GABRG3: variants seen among roughly 807,000 people sequenced by gnomAD.
GABRG3 encodes gamma-aminobutyric acid receptor subunit gamma-3.
In GABRG3, 25 loss-of-function variants were observed where a neutral mutation model predicts 48.8. The observed-to-expected ratio is 0.51, with a 90% CI of 0.37 to 0.72. The LOEUF is 0.72. Among genes scored for constraint, GABRG3 ranks in the 30% least tolerant of loss-of-function variants. GABRG3 has a pLI of 0.00. For missense variants in GABRG3, 394 were observed against 577.9 expected (o/e 0.68, Z 3.26); for synonymous variants, 227 against 217.6 (o/e 1.04, Z -0.38).
chr15:27,019,889 T>C (rs1374603288), intron 2 of GABRG3, among the ~76,000 whole-genome samples: 7 of 152,224 alleles, frequency 4.6e-5, no homozygotes, highest in Non-Finnish European at 1.0e-4. Flanking sequence ...TTTACTCTTT[T>C]CATGAAAACA....
Position 27,532,782 on chromosome 15 carries a change from CAT to C in GABRG3, c.1307_1308del (p.Ile436ArgfsTer21). 6.2e-7 allele frequency: 1 copy of C among 1,614,006 alleles called. No individual in the cohort carries two copies. Among genetic ancestry groups the C allele is most frequent in the Non-Finnish European group, 8.5e-7 (1 of 1,179,884 alleles). On this transcript the variant is annotated frameshift_variant, in exon 10 of 10. Coordinates refer to ENST00000615808, the MANE Select transcript of GABRG3 (RefSeq NM_033223.5). LOFTEE classifies it high-confidence loss of function. The stretch of plus-strand genomic sequence containing the variant: ...GATCCTGGAGGAAAGGGCGTATTCA[CAT>C]AGACATCTTGGAGCTGGACTCGTAC... ...SGSWRKGRIH[I>X]DILELDSYSR...
intron 5 of GABRG3, chr15:27,366,010 A>G (rs1346698946): frequency 6.6e-6 from 1 of 152,164 alleles, no homozygotes; most frequent in African/African-American, 2.4e-5. Context: ...CCTTTATGGG[A>G]GTTCGTTTTC....
intron 3 of GABRG3, among the ~76,000 whole-genome samples, chr15:27,204,660 C>T (rs2140430825): frequency 6.6e-6 from 1 of 152,210 alleles, no homozygotes; most frequent in Non-Finnish European, 1.5e-5. Flanking sequence ...ATTGATTCTT[C>T]CCATCCATGA....
chr15:27,039,642 TCTAA>T (rs1326757903), intron 3 of GABRG3, among the ~76,000 whole-genome samples: 1 of 152,196 alleles, frequency 6.6e-6, no homozygotes, highest in Non-Finnish European at 1.5e-5. Flanking sequence ...CCAACTCAAC[TCTAA>T]GTAGGACCCA....
At chr15:27,219,034 C>T (rs1314888422) in intron 3 of GABRG3, among the ~76,000 whole-genome samples, 1 of 152,182 alleles carries the variant, frequency 6.6e-6, no homozygotes, top group Non-Finnish European at 1.5e-5. Flanking sequence ...CACCAATCTC[C>T]CAATGGAACC....
intron 5 of GABRG3, among the ~76,000 whole-genome samples, chr15:27,425,706 A>G (rs1209242566): frequency 3.9e-5 from 6 of 152,170 alleles, no homozygotes; most frequent in Admixed American, 1.3e-4. Context: ...AGTTGTTCCT[A>G]AGTTGGTGCA....
At chr15:27,329,980 G>A (rs1033336976) in intron 5 of GABRG3, among the ~76,000 whole-genome samples, 2 of 152,142 alleles carry the variant, frequency 1.3e-5, no homozygotes, top group Admixed American at 6.5e-5. Flanking sequence ...GGTGGCTCAC[G>A]CCTGTAATCC....
At chr15:26,993,056 A>G (rs1245781479) in intron 2 of GABRG3, among the ~76,000 whole-genome samples, 5 of 151,954 alleles carry the variant, frequency 3.3e-5, no homozygotes, top group African/African-American at 1.2e-4. Context: ...ATCAGTTGTA[A>G]TGTCTCCCTT....
chr15:27,429,808 T>C (rs182416025), intron 5 of GABRG3, among the ~76,000 whole-genome samples: 6 of 152,366 alleles, frequency 3.9e-5, no homozygotes, highest in Non-Finnish European at 8.8e-5. Flanking sequence ...TGATTAGCCA[T>C]GGATCTATTC....
chr15:26,985,257 G>A (rs913125175), intron 2 of GABRG3, among the ~76,000 whole-genome samples: 12 of 152,166 alleles, frequency 7.9e-5, no homozygotes, highest in Admixed American at 7.9e-4. Flanking sequence ...AGCTTTCCAG[G>A]CTGGACATGA....
chr15:26,979,706 T>G (rs1202357374), intron 2 of GABRG3, among the ~76,000 whole-genome samples: 1 of 152,212 alleles, frequency 6.6e-6, no homozygotes, highest in African/African-American at 2.4e-5. Flanking sequence ...CAGTATTGCA[T>G]TCCTGGAGTA....
chr15:27,382,851 C>G lies in GABRG3; in HGVS notation c.574+53963C>G, dbSNP rs12917494. Among the ~76,000 whole-genome samples, 279 of 151,792 alleles carry G rather than the reference C, an allele frequency of 1.8e-3. 9 individuals carry two copies. The East Asian group carries it at 0.046, about 25-fold the overall frequency. ...GTGGGAGGAGTTGGTTTCGGTGGAA[C>G]GATTAGGGAAACATCTGGAGCTTTG... On this transcript the variant is annotated intron_variant, in intron 5 of 9. Transcript: ENST00000615808.
Position 27,529,980 on chromosome 15 carries a change from C to T in GABRG3, c.1122+1988C>T, listed in dbSNP as rs188300021. Among the ~76,000 whole-genome samples, 118 of 151,668 alleles carry T rather than the reference C, an allele frequency of 7.8e-4. 1 individual carries two copies. Among genetic ancestry groups the T allele is most frequent in the African/African-American group, 2.6e-3 (108 of 41,316 alleles). ...ATTCACAGACAGAAAGGGTGCCAGGCCTGGTGAGAAGACACAACCAGAGAG... is the reference window on the plus strand; with the variant it reads ...ATTCACAGACAGAAAGGGTGCCAGGTCTGGTGAGAAGACACAACCAGAGAG... On this transcript the variant is annotated intron_variant, in intron 9 of 9. Coordinates refer to ENST00000615808, the MANE Select transcript of GABRG3 (RefSeq NM_033223.5).
intron 5 of GABRG3, among the ~76,000 whole-genome samples, chr15:27,463,672 A>C (rs923231891): frequency 1.3e-5 from 2 of 151,972 alleles, no homozygotes; most frequent in African/African-American, 4.8e-5. Context: ...CATGTTTAGG[A>C]TGTGAGCTCA....
chr15:27,101,962 C>T (rs562000809), intron 3 of GABRG3, among the ~76,000 whole-genome samples: 1 of 152,184 alleles, frequency 6.6e-6, no homozygotes, highest in South Asian at 2.1e-4. Context: ...CTATGGGCCA[C>T]CAGTTGGACA....
intron 3 of GABRG3, among the ~76,000 whole-genome samples, chr15:27,175,457 A>G (rs751269708): frequency 6.6e-6 from 1 of 152,190 alleles, no homozygotes; most frequent in Non-Finnish European, 1.5e-5. Flanking sequence ...TTCTAAATAT[A>G]TCATCCATAG....
chr15:26,977,541 T>G (rs970756147), intron 2 of GABRG3, among the ~76,000 whole-genome samples: 2 of 152,260 alleles, frequency 1.3e-5, no homozygotes, highest in African/African-American at 4.8e-5. Context: ...TATTTATTTT[T>G]TTGTCATTTT....
intron 3 of GABRG3, 151 bp downstream of exon 3, chr15:27,026,972 GTA>G: frequency 2.3e-6 from 1 of 438,626 alleles, no homozygotes; most frequent in Non-Finnish European, 3.8e-6. Flanking sequence ...ATTGAAAATG[GTA>G]AAAAAAAAAA....
intron 3 of GABRG3, among the ~76,000 whole-genome samples, chr15:27,044,846 C>T (rs142524230): frequency 3.2e-4 from 48 of 152,328 alleles, no homozygotes; most frequent in African/African-American, 7.9e-4. Flanking sequence ...TGAAGCTTGG[C>T]GGCTGTGATT....
Sources: allele counts gnomAD v4.1 joint callset (sites outside exome capture counted in the v4.1 genomes callset), GRCh38; gene constraint gnomAD v4.1.1; transcripts MANE v1.5; gene names NCBI Gene and HGNC (gene_info 2026-07-23, HGNC 2026-07-21).